Variants in LYST observed in about 807,000 individuals in gnomAD.
LYST encodes the protein lysosomal-trafficking regulator.
A neutral mutation model predicts 413.6 loss-of-function variants in LYST; 192 were observed. The observed-to-expected ratio is 0.46, with a 90% confidence interval of 0.41 to 0.52. LYST has a LOEUF of 0.52. LYST is among the 20% of genes least tolerant of loss of function. LYST has a pLI of 0.00. For missense variants in LYST, 3,815 were observed against 4,499.9 expected (o/e 0.85, Z 4.35); for synonymous variants, 1,525 against 1,567.3 (o/e 0.97, Z 0.64).
At chr1:235,673,277 C>T (rs1351148995) in intron 50 of LYST, among the ~76,000 whole-genome samples, 1 of 151,906 alleles carries the variant, frequency 6.6e-6, no homozygotes, top group Non-Finnish European at 1.5e-5. Context: ...ATTAATGTAA[C>T]TAAGTCAAGC....
At chr1:235,707,270 T>C (rs16832816) in intron 44 of LYST, among the ~76,000 whole-genome samples, 3,316 of 152,260 alleles carry the variant, frequency 0.022, 121 homozygotes, top group African/African-American at 0.075. Flanking sequence ...AAATAAATGT[T>C]TCCTGAAGAG....
intron 1 of LYST, among the ~76,000 whole-genome samples, chr1:235,864,523 TGGCCTGGATTA>T (rs1391043431): frequency 6.6e-6 from 1 of 152,194 alleles, no homozygotes; most frequent in East Asian, 1.9e-4. Flanking sequence ...ACATTATCTC[TGGCCTGGATTA>T]GGGCAACAGT....
Position 235,748,112 on chromosome 1 carries a change from C to T in LYST, c.7781-1585G>A, listed in dbSNP as rs1001217172. 7.9e-5 allele frequency among the ~76,000 whole-genome samples: 12 copies of T among 152,192 alleles called. No homozygotes were observed. The East Asian group carries it at 1.5e-3, about 20-fold the overall frequency. ...TATAAAACATAATGCCTGTCTCATT[C>T]TCACAAATAATAAAATACTTTTAAT... On this transcript the variant is annotated intron_variant, in intron 28 of 52. Coordinates refer to ENST00000389793, the MANE Select transcript of LYST (RefSeq NM_000081.4).
At chr1:235,737,734 T>C (rs1457682329) in intron 31 of LYST, 1 of 190,968 alleles carries the variant, frequency 5.2e-6, no homozygotes, top group Non-Finnish European at 9.8e-6. Flanking sequence ...ACATTTATTT[T>C]AAAATACCTG....
At position 235,788,736 on chromosome 1, in the gene LYST, C is replaced by T; in HGVS notation, c.4653G>A (p.Val1551=). The T allele has an allele frequency of 1.2e-6, 2 of 1,613,876 alleles. No homozygotes were observed. Among genetic ancestry groups the T allele is most frequent in the Non-Finnish European group, 1.7e-6 (2 of 1,179,906 alleles). The part of the protein sequence containing the change: ...SLGSKALMIQ[V]WADPHNATLI... Reference sequence around the variant, plus strand: ...GAGTGGCATTGTGGGGATCAGCCCACACTTGGATCATCAACGCTTTGGATC... The same window carrying T: ...GAGTGGCATTGTGGGGATCAGCCCATACTTGGATCATCAACGCTTTGGATC... The change falls in exon 13 of 53, where the codon GTG becomes GTA. Residue 1551 remains valine (V), a synonymous_variant. Coordinates refer to ENST00000389793, the MANE Select transcript of LYST (RefSeq NM_000081.4).
chr1:235,713,589 T>C (rs1662583858), intron 42 of LYST, among the ~76,000 whole-genome samples: 1 of 152,248 alleles, frequency 6.6e-6, no homozygotes, highest in South Asian at 2.1e-4. Flanking sequence ...GCAACATTTT[T>C]GATTCTCACA....
In LYST at chr1:235,733,631, G is replaced by C; in HGVS notation, c.8673C>G (p.Thr2891=). Residue 2891 remains threonine, a synonymous_variant, in exon 34 of 53, where the codon ACC becomes ACG. Coordinates refer to ENST00000389793, the MANE Select transcript of LYST (RefSeq NM_000081.4). Reference sequence around the variant, plus strand: ...TTCCTTGGGAGAGAGACACTGCCTGGGTGATATCTGCAGCTATTTTAGATA... The same window carrying C: ...TTCCTTGGGAGAGAGACACTGCCTGCGTGATATCTGCAGCTATTTTAGATA... ...KDISKIAADI[T]QAVSLSQGNE... The C allele has an allele frequency of 6.2e-7, 1 of 1,613,554 alleles. No homozygotes were observed. Among genetic ancestry groups the C allele is most frequent in the Non-Finnish European group, 8.5e-7 (1 of 1,179,678 alleles).
intron 1 of LYST, among the ~76,000 whole-genome samples, chr1:235,874,893 A>G (rs888414808): frequency 2.0e-5 from 3 of 152,160 alleles, no homozygotes; most frequent in African/African-American, 7.2e-5. Context: ...TCCAGAAACA[A>G]CTGACAGCTG....
chr1:235,779,595 T>C (rs1441396952), intron 16 of LYST, among the ~76,000 whole-genome samples: 1 of 152,162 alleles, frequency 6.6e-6, no homozygotes, highest in Non-Finnish European at 1.5e-5. Context: ...ACAAGCCCTC[T>C]GGATGATTCT....
At chr1:235,717,852 A>G (rs1271410670) in intron 40 of LYST, among the ~76,000 whole-genome samples, 1 of 152,162 alleles carries the variant, frequency 6.6e-6, no homozygotes, top group Non-Finnish European at 1.5e-5. Context: ...ACAAATTAAC[A>G]TCTAAAAACA....
chr1:235,684,968 C>A (rs1660094779), intron 48 of LYST, among the ~76,000 whole-genome samples: 1 of 152,006 alleles, frequency 6.6e-6, no homozygotes, highest in Non-Finnish European at 1.5e-5. Flanking sequence ...CATATAAGAA[C>A]CTCATCACTG....
chr1:235,720,256 T>TGA (rs1246703171), intron 40 of LYST, among the ~76,000 whole-genome samples: 1 of 149,334 alleles, frequency 6.7e-6, no homozygotes, highest in African/African-American at 2.5e-5. Context: ...ACAATGGACC[T>TGA]GATTCAAGAC....
intron 1 of LYST, among the ~76,000 whole-genome samples, chr1:235,845,103 C>T (rs951422659): frequency 2.0e-5 from 3 of 152,114 alleles, no homozygotes; most frequent in African/African-American, 2.4e-5. Context: ...ACCCACAGAC[C>T]CTCTGAAGGA....
chr1:235,807,233 G>A (rs982964065), intron 5 of LYST, among the ~76,000 whole-genome samples: 3 of 152,204 alleles, frequency 2.0e-5, no homozygotes, highest in African/African-American at 4.8e-5. Flanking sequence ...TGAAGGGAAA[G>A]AATCACACTA....
At chr1:235,702,652 G>A in intron 45 of LYST, 95 bp downstream of exon 45, 1 of 1,044,012 alleles carries the variant, frequency 9.6e-7, no homozygotes, top group Admixed American at 1.8e-5. Flanking sequence ...ACAGCTTTAG[G>A]CCAGGACCAT....
chr1:235,800,500 T>C (rs1672092874), intron 9 of LYST, 114 bp from the exon 10 acceptor site: 1 of 658,778 alleles, frequency 1.5e-6, no homozygotes, highest in East Asian at 2.8e-5. Flanking sequence ...TATATATGTA[T>C]TTAAAAATGA....
Position 235,793,507 on chromosome 1 carries a change from C to A in LYST, c.4112G>T (p.Cys1371Phe). The A allele has an allele frequency of 6.8e-7, 1 of 1,473,192 alleles. No individual in the cohort carries two copies. The highest frequency in any genetic ancestry group is 9.5e-7 in the Non-Finnish European group (1 of 1,056,758). The allele number at this position is 1,473,192 out of a possible 1,614,324, so 91.3% of individuals were successfully genotyped here. Residue 1371 changes from cysteine (C) to phenylalanine (F), a missense_variant, in exon 11 of 53, where the codon TGT (cysteine) becomes TTT (phenylalanine). Physicochemically the swap from Cys to Phe is radical, Grantham distance 205 (BLOSUM62 -2). Transcript: ENST00000389793. ...TAAAAATTATAGCATATTTACTGTA[C>A]AAGGAGATTTCTCCAGAAATATTCT... ...LLRIFLEKSP[C>F]TKILLLGILK...
rs140715384 is a variant in LYST at position 235,692,319 on chromosome 1, C to T, written c.10701+1031G>A. On this transcript the variant is annotated intron_variant, in intron 47 of 52. Coordinates refer to ENST00000389793, the MANE Select transcript of LYST (RefSeq NM_000081.4). ...CTGTACTCCAGCCTGGGCGATGGAG[C>T]GAGACTTCATCTCATAACAAACCAA... is the stretch of plus-strand genomic sequence containing the variant. Among the ~76,000 whole-genome samples the T allele has an allele frequency of 9.9e-5, 15 of 151,344 alleles. No homozygotes were observed. In the East Asian group the frequency reaches 1.4e-3, roughly 14 times the overall value.
intron 3 of LYST, among the ~76,000 whole-genome samples, chr1:235,818,591 T>C (rs1026238712): frequency 6.6e-6 from 1 of 152,274 alleles, no homozygotes; most frequent in South Asian, 2.1e-4. Context: ...ATACTCAGTA[T>C]ACCTCAACAT....
Sources: gnomAD v4.1 joint callset for allele counts (sites outside exome capture counted in the v4.1 genomes callset) on GRCh38, gnomAD v4.1.1 for gene constraint, MANE v1.5 for transcripts, NCBI Gene and HGNC (gene_info 2026-07-23, HGNC 2026-07-21) for gene names.